ESR2: variants seen among roughly 807,000 people sequenced by gnomAD.
ESR2 encodes the protein estrogen receptor beta.
Under a neutral mutation model 49.6 loss-of-function variants are expected in ESR2, and 36 were observed. The ratio of observed to expected loss-of-function variants is 0.73; its 90% CI spans 0.56 to 0.96. ESR2 has a LOEUF of 0.96. Ranked by LOEUF, ESR2 falls within the 40% of genes least tolerant of loss-of-function variation. The pLI is 0.00. For missense variants in ESR2, 714 were observed against 693.0 expected (o/e 1.03, Z -0.34); for synonymous variants, 320 against 266.1 (o/e 1.20, Z -1.97).
chr14:64,227,771 T>G, downstream of ESR2: 2 of 1,538,660 alleles, frequency 1.3e-6, no homozygotes, highest in Non-Finnish European at 1.7e-6. Flanking sequence ...CACTGCAGCT[T>G]CTTTCACTCA....
chr14:64,306,873 G>A (rs187347914), intron 1 of ESR2, among the ~76,000 whole-genome samples: 1 of 152,178 alleles, frequency 6.6e-6, no homozygotes, highest in East Asian at 1.9e-4. Flanking sequence ...TTAATCATTT[G>A]GTATAATTCA....
rs370979619 is a variant in ESR2, at chr14:64,260,646, G to A, written c.755C>T (p.Ala252Val). Reference protein sequence around the residue: ...AGKAKRSGGHAPRVRELLLDA... With the variant: ...AGKAKRSGGHVPRVRELLLDA... ...CAGCAGCAGCTCCCGCACTCGGGGC[G>A]CGTGGCCGCCACTTCTCTTGGCCTT... The change falls in exon 5 of 9, where the codon GCG becomes GTG. Residue 252 changes from alanine (A) to valine (V), a missense_variant. Transcript: ENST00000341099. 112 of 1,607,964 alleles carry A rather than the reference G, an allele frequency of 7.0e-5. No individual in the cohort carries two copies. The highest frequency in any genetic ancestry group is 1.6e-4 in the East Asian group (7 of 44,662).
chr14:64,327,093 G>A (rs994141692), intron 1 of ESR2, among the ~76,000 whole-genome samples: 3 of 152,132 alleles, frequency 2.0e-5, no homozygotes, highest in Non-Finnish European at 4.4e-5. Context: ...ATATGGGAGT[G>A]AATCTGTTGG....
At chr14:64,302,558 AGG>A in intron 1 of ESR2, among the ~76,000 whole-genome samples, 1 of 152,166 alleles carries the variant, frequency 6.6e-6, no homozygotes, top group Middle Eastern at 3.4e-3. Context: ...CAGGTGCTCT[AGG>A]GCAGGTCCTG....
At chr14:64,293,040 G>A (rs1271459999) in intron 1 of ESR2, among the ~76,000 whole-genome samples, 3 of 152,064 alleles carry the variant, frequency 2.0e-5, no homozygotes, top group African/African-American at 4.8e-5. Flanking sequence ...GCAATCCTAC[G>A]GTGTATACTC....
intron 3 of ESR2, among the ~76,000 whole-genome samples, chr14:64,270,604 G>A (rs557433959): frequency 1.1e-4 from 17 of 152,048 alleles, no homozygotes; most frequent in South Asian, 4.2e-4. Context: ...TCTGCCCCCC[G>A]GGTTCAAGTG....
intron 1 of ESR2, among the ~76,000 whole-genome samples, chr14:64,292,304 T>C (rs2076885507): frequency 6.6e-6 from 1 of 152,150 alleles, no homozygotes; most frequent in African/African-American, 2.4e-5. Context: ...GTAGTTTTGA[T>C]CAGTGATTTT....
At chr14:64,256,694 A>C (rs1206643919) in intron 6 of ESR2, among the ~76,000 whole-genome samples, 3 of 152,116 alleles carry the variant, frequency 2.0e-5, no homozygotes, top group Non-Finnish European at 4.4e-5. Context: ...GCACCTCTGC[A>C]CTCCAGCCTG....
chr14:64,235,373 T>A (rs2140620184), intron 7 of ESR2, among the ~76,000 whole-genome samples: 1 of 152,282 alleles, frequency 6.6e-6, no homozygotes, highest in South Asian at 2.1e-4. Context: ...GCAGACAGAC[T>A]AAATTGCCAC....
intron 1 of ESR2, among the ~76,000 whole-genome samples, chr14:64,293,762 C>T (rs1194771852): frequency 6.6e-6 from 1 of 152,174 alleles, no homozygotes; most frequent in African/African-American, 2.4e-5. Context: ...TCGAGGAAAA[C>T]CATAGGGAAA....
intron 1 of ESR2, chr14:64,301,682 G>C (rs1567789920): frequency 1.3e-5 from 2 of 152,166 alleles, no homozygotes; most frequent in African/African-American, 4.8e-5. Flanking sequence ...CTTGGGCCTA[G>C]GGTGGGTTTT....
chr14:64,276,582 T>A (rs541481982), intron 3 of ESR2, among the ~76,000 whole-genome samples: 15 of 152,314 alleles, frequency 9.8e-5, no homozygotes, highest in African/African-American at 3.6e-4. Context: ...TAAACATTAA[T>A]GCACTCTGAC....
chr14:64,246,270 T>C (rs1026035884), intron 7 of ESR2, among the ~76,000 whole-genome samples: 4 of 152,136 alleles, frequency 2.6e-5, no homozygotes, highest in Admixed American at 6.5e-5. Flanking sequence ...GTGGAGGTAA[T>C]TGAATCATGG....
chr14:64,294,132 T>C lies in ESR2; in HGVS notation c.-190A>G, dbSNP rs2076918373. ...CCGGCGCGCGCCCCGCCGCCACCTGTTGAGGAAAGCGAGCGCACCTCCTGC... is the reference window on the plus strand; with the variant it reads ...CCGGCGCGCGCCCCGCCGCCACCTGCTGAGGAAAGCGAGCGCACCTCCTGC... On this transcript the variant is annotated 5_prime_UTR_variant, in exon 1 of 9. Transcript: ENST00000341099. 6.6e-6 allele frequency: 1 copy of C among 152,318 alleles called. No individual in the cohort carries two copies. The highest frequency in any genetic ancestry group is 2.1e-4 in the South Asian group (1 of 4,836). The allele number at this position is 152,318 out of a possible 1,614,324, so 9.4% of individuals were successfully genotyped here. A position where few individuals can be genotyped will look rare whatever the true frequency, so the allele number is the denominator to read the frequency against.
chr14:64,330,310 T>C (rs1332680489), intron 1 of ESR2: 1 of 152,112 alleles, frequency 6.6e-6, no homozygotes, highest in African/African-American at 2.4e-5. Context: ...ATGCCTGTAA[T>C]CCCAGCTACT....
intron 1 of ESR2, among the ~76,000 whole-genome samples, chr14:64,300,737 T>C (rs1041437241): frequency 3.9e-5 from 6 of 152,110 alleles, no homozygotes; most frequent in African/African-American, 7.2e-5. Context: ...GCCTGGGTGA[T>C]AGATACCTCA....
intron 7 of ESR2, among the ~76,000 whole-genome samples, chr14:64,249,250 A>C (rs972103502): frequency 2.6e-5 from 4 of 152,206 alleles, no homozygotes; most frequent in Non-Finnish European, 5.9e-5. Flanking sequence ...CTGTGTGAGC[A>C]CTGAAAAAAG....
intron 1 of ESR2, chr14:64,301,240 T>C (rs2077017380): frequency 6.6e-6 from 1 of 152,186 alleles, no homozygotes; most frequent in African/African-American, 2.4e-5. Context: ...CAATGCCTGT[T>C]GCAAATGATA....
rs183425904 is a variant in ESR2 at position 64,231,460 on chromosome 14, A to T, written c.*1677T>A. The stretch of plus-strand genomic sequence containing the variant: ...AGCTGTAACTGAGTCTCTAAGAATA[A>T]CTTCAGACTGCCTCAGAACACAGAC... On this transcript the variant is annotated 3_prime_UTR_variant, in exon 9 of 9. Transcript: ENST00000341099. 2 of 152,318 alleles carry T rather than the reference A, an allele frequency of 1.3e-5. No homozygotes were observed. Among genetic ancestry groups the T allele is most frequent in the East Asian group, 3.9e-4 (2 of 5,186 alleles). 9.4% of individuals were successfully genotyped at this position (152,318 alleles called of 1,614,324 possible). A position where few individuals can be genotyped will look rare whatever the true frequency, so the allele number is the denominator to read the frequency against.
Sources: gnomAD v4.1 joint callset for allele counts (sites outside exome capture counted in the v4.1 genomes callset) on GRCh38, gnomAD v4.1.1 for gene constraint, MANE v1.5 for transcripts, NCBI Gene and HGNC (gene_info 2026-07-23, HGNC 2026-07-21) for gene names.